VPS41: variants seen among roughly 807,000 people sequenced by gnomAD.
VPS41 encodes the protein vacuolar protein sorting-associated protein 41 homolog.
A neutral mutation model predicts 130.9 loss-of-function variants in VPS41; 85 were observed. The observed-to-expected ratio is 0.65, with a 90% CI of 0.55 to 0.78. The LOEUF (loss-of-function observed/expected upper bound fraction) is 0.78, where lower values mean the gene tolerates loss of function less well. VPS41 is among the 30% of genes least tolerant of loss of function. The probability of loss-of-function intolerance (pLI) is 0.00; values close to 1 mark genes in which losing one functional copy is unlikely to be tolerated. For missense variants in VPS41, 874 were observed against 1,018.7 expected (o/e 0.86, Z 1.93); for synonymous variants, 335 against 332.9 (o/e 1.01, Z -0.07).
Position 38,724,114 on chromosome 7 carries a change from A to C in VPS41, c.*2132T>G, listed in dbSNP as rs1022750114. On this transcript the variant is annotated 3_prime_UTR_variant, in exon 29 of 29. Transcript: ENST00000310301. ...TATTTTCCTTTTAAATCAGTTACTT[A>C]AAAATGAAGACTGTTTAATTATTTT... 4 of 152,240 alleles carry C rather than the reference A, an allele frequency of 2.6e-5. No homozygotes were observed. The highest frequency in any genetic ancestry group is 1.3e-4 in the Admixed American group (2 of 15,284). The allele number at this position is 152,240 out of a possible 1,614,324, so 9.4% of individuals were successfully genotyped here. A position where few individuals can be genotyped will look rare whatever the true frequency, so the allele number is the denominator to read the frequency against.
intron 2 of VPS41, among the ~76,000 whole-genome samples, chr7:38,882,531 CT>C (rs1305667842): frequency 6.6e-6 from 1 of 152,224 alleles, no homozygotes; most frequent in African/African-American, 2.4e-5. Flanking sequence ...TTGAACTACT[CT>C]TCTTCAGGTC....
intron 1 of VPS41, among the ~76,000 whole-genome samples, chr7:38,907,448 T>C (rs932748034): frequency 2.6e-5 from 4 of 152,216 alleles, no homozygotes; most frequent in Admixed American, 6.5e-5. Context: ...GGCTGTGGCT[T>C]TTCCTCTGAA....
At chr7:38,808,457 C>A (rs1297025486) in intron 7 of VPS41, among the ~76,000 whole-genome samples, 1 of 152,082 alleles carries the variant, frequency 6.6e-6, no homozygotes, top group Non-Finnish European at 1.5e-5. Flanking sequence ...GCATGAAATA[C>A]ATTTCTAGGA....
At chr7:38,774,544 C>T (rs1351763394) in intron 11 of VPS41, among the ~76,000 whole-genome samples, 1 of 151,020 alleles carries the variant, frequency 6.6e-6, no homozygotes, top group African/African-American at 2.4e-5. Flanking sequence ...AACTTTGAAA[C>T]AACTGAAAAA....
intron 17 of VPS41, among the ~76,000 whole-genome samples, chr7:38,759,463 C>T (rs1584379472): frequency 1.3e-5 from 2 of 152,224 alleles, no homozygotes; most frequent in Non-Finnish European, 2.9e-5. Flanking sequence ...ACATAACAGA[C>T]CAAACAATTA....
chr7:38,890,064 A>C (rs1050033388), intron 2 of VPS41, among the ~76,000 whole-genome samples: 4 of 152,200 alleles, frequency 2.6e-5, no homozygotes, highest in African/African-American at 9.7e-5. Context: ...TATACAAAGG[A>C]ACTAAAAAAT....
At chr7:38,753,918 AG>A (rs1387466142) in intron 21 of VPS41, among the ~76,000 whole-genome samples, 2 of 152,148 alleles carry the variant, frequency 1.3e-5, no homozygotes, top group East Asian at 3.9e-4. Context: ...GCCTCCTCCT[AG>A]GGTGCAATGA....
intron 16 of VPS41, among the ~76,000 whole-genome samples, chr7:38,765,182 C>G (rs1784013537): frequency 6.6e-6 from 1 of 152,004 alleles, no homozygotes; most frequent in Admixed American, 6.6e-5. Context: ...GCTAGGTGGT[C>G]AATTTTTTCC....
At chr7:38,831,134 T>C in intron 4 of VPS41, 1 of 459,746 alleles carries the variant, frequency 2.2e-6, no homozygotes, top group South Asian at 1.6e-5. Context: ...TGTTAATAGT[T>C]TACTTATTCA....
intron 14 of VPS41, among the ~76,000 whole-genome samples, chr7:38,769,205 C>G (rs1562579412): frequency 6.6e-6 from 1 of 152,140 alleles, no homozygotes; most frequent in Admixed American, 6.6e-5. Flanking sequence ...TCTCTCAGCT[C>G]CCATGAAATG....
chr7:38,766,121 G>C (rs1325163304), intron 15 of VPS41, among the ~76,000 whole-genome samples: 4 of 152,174 alleles, frequency 2.6e-5, no homozygotes, highest in Non-Finnish European at 4.4e-5. Context: ...ATATAACCTG[G>C]AGGACTGCTT....
intron 14 of VPS41, among the ~76,000 whole-genome samples, chr7:38,770,209 C>A (rs4515457): frequency 2.7e-5 from 4 of 149,770 alleles, no homozygotes; most frequent in African/African-American, 5.0e-5. Context: ...GCAGAGGTTG[C>A]GGTGAACCAA....
In VPS41 at chr7:38,886,428, G is replaced by A. The variant is rs1289017684; in HGVS notation, c.60+11663C>T. Among the ~76,000 whole-genome samples the A allele has an allele frequency of 2.0e-5, 3 of 152,236 alleles. No individual in the cohort carries two copies. In the East Asian group the frequency reaches 5.8e-4, roughly 29 times the overall value. The stretch of plus-strand genomic sequence containing the variant: ...CAGCAGTCTAAGATTGACCTGGGAT[G>A]CCGGAGCTTGGTGGGGGGAGGGGTG... On this transcript the variant is annotated intron_variant, in intron 2 of 28. Coordinates refer to ENST00000310301, the MANE Select transcript of VPS41 (RefSeq NM_014396.4).
At chr7:38,756,778 A>G in intron 19 of VPS41, 60 bp downstream of exon 19, 1 of 1,227,032 alleles carries the variant, frequency 8.1e-7, no homozygotes, top group Admixed American at 2.6e-5. Context: ...TAGATATCTA[A>G]GTATTAAATA....
chr7:38,828,441 T>C (rs895191303), intron 5 of VPS41, among the ~76,000 whole-genome samples: 1 of 152,126 alleles, frequency 6.6e-6, no homozygotes, highest in Non-Finnish European at 1.5e-5. Context: ...TAAATAATTA[T>C]TTATCTAGGA....
intron 2 of VPS41, among the ~76,000 whole-genome samples, chr7:38,872,362 C>A (rs1786386000): frequency 6.6e-6 from 1 of 152,174 alleles, no homozygotes; most frequent in African/African-American, 2.4e-5. Flanking sequence ...TCTACAATAT[C>A]CTTTCAGTCA....
At chr7:38,876,928 A>AG (rs1053031484) in intron 2 of VPS41, among the ~76,000 whole-genome samples, 1 of 134,060 alleles carries the variant, frequency 7.5e-6, no homozygotes, top group Non-Finnish European at 1.6e-5. Flanking sequence ...TATATAGAAG[A>AG]GGGGAAAAAA....
intron 3 of VPS41, among the ~76,000 whole-genome samples, chr7:38,867,553 A>G (rs1409895860): frequency 6.6e-6 from 1 of 151,992 alleles, no homozygotes; most frequent in African/African-American, 2.4e-5. Context: ...CTCAAAAAAA[A>G]AAAATAAATA....
At chr7:38,727,019 C>T in intron 27 of VPS41, 31 bp from the exon 28 acceptor site, 2 of 1,487,836 alleles carry the variant, frequency 1.3e-6, no homozygotes, top group South Asian at 2.8e-5. Context: ...AGGAGGAGAA[C>T]TTAATGCAAC....
Sources: allele counts gnomAD v4.1 joint callset (sites outside exome capture counted in the v4.1 genomes callset), GRCh38; gene constraint gnomAD v4.1.1; transcripts MANE v1.5; gene names NCBI Gene and HGNC (gene_info 2026-07-23, HGNC 2026-07-21).